Variants in CLBA1 observed in about 807,000 individuals in gnomAD.
CLBA1 encodes the protein clathrin binding box of aftiphilin containing 1.
In CLBA1, 30 loss-of-function variants were observed where a neutral mutation model predicts 28.8. The ratio of observed to expected loss-of-function variants is 1.04; its 90% CI spans 0.78 to 1.41. The LOEUF is 1.41. CLBA1 is among the 40% of genes most tolerant of loss of function. The pLI is 0.00. For missense variants in CLBA1, 451 were observed against 412.3 expected (o/e 1.09, Z -0.81); for synonymous variants, 160 against 152.8 (o/e 1.05, Z -0.35).
At chr14:104,999,353 T>TCTGA, downstream of CLBA1, 1 of 552,120 alleles carries the variant, frequency 1.8e-6, no homozygotes, top group Non-Finnish European at 2.3e-6. Context: ...GGACATGGCC[T>TCTGA]TCAGAGGCTT....
In CLBA1 at chr14:104,994,597, G is replaced by A; in HGVS notation, c.817-1G>A. 2 of 1,605,504 alleles carry A rather than the reference G, an allele frequency of 1.2e-6. No individual in the cohort carries two copies. The highest frequency in any genetic ancestry group is 2.7e-5 in the African/African-American group (2 of 74,710). On this transcript the variant is annotated splice_acceptor_variant, in intron 4 of 4. Transcript: ENST00000547315. LOFTEE classifies it high-confidence loss of function. ...GCCTGACTGCTGTCCTCTCATCTCA[G>A]CTCTCGGGGCCGCCTGGCAGCAAAC... is the stretch of plus-strand genomic sequence containing the variant.
In CLBA1 at chr14:104,992,999, C is replaced by T. The variant is rs1900079031; in HGVS notation, c.751C>T (p.Pro251Ser). The T allele has an allele frequency of 5.0e-6, 8 of 1,614,000 alleles. No homozygotes were observed. Among genetic ancestry groups the T allele is most frequent in the Non-Finnish European group, 5.1e-6 (6 of 1,180,030 alleles). Residue 251 changes from proline to serine, a missense_variant, in exon 4 of 5, where the codon CCT becomes TCT. Physicochemically the swap from Pro to Ser is moderately conservative, Grantham distance 74. Coordinates refer to ENST00000547315, the MANE Select transcript of CLBA1 (RefSeq NM_174891.4). ...HIMEDCDLKEPEGLLTVSSFC... is the reference protein window; with the variant it reads ...HIMEDCDLKESEGLLTVSSFC... ...CATGGAAGATTGTGACCTCAAAGAGCCTGAAGGACTCCTCACTGTCAGCAG... is the reference window on the plus strand; with the variant it reads ...CATGGAAGATTGTGACCTCAAAGAGTCTGAAGGACTCCTCACTGTCAGCAG...
downstream of CLBA1, among the ~76,000 whole-genome samples, chr14:104,997,206 T>C (rs1258213251): frequency 2.0e-5 from 3 of 152,110 alleles, no homozygotes; most frequent in Non-Finnish European, 4.4e-5. Context: ...AGAATGAAGA[T>C]GCTGCAAATG....
chr14:105,000,941 G>A (rs909027157), intron 2 of CLBA1, among the ~76,000 whole-genome samples: 3 of 151,852 alleles, frequency 2.0e-5, no homozygotes, highest in African/African-American at 4.8e-5. Flanking sequence ...AGAGATACCC[G>A]CACCCCCATG....
At chr14:104,996,619 G>A (rs951612654), downstream of CLBA1, among the ~76,000 whole-genome samples, 4 of 152,188 alleles carry the variant, frequency 2.6e-5, no homozygotes, top group East Asian at 5.8e-4. Context: ...AAGACACCCC[G>A]GGCGCAAGGC....
Position 104,993,060 on chromosome 14 carries a change from C to T in CLBA1, c.812C>T (p.Thr271Ile). ...CAGCATTGCAAAGCCCTGATCCAGA[C>T]CAAGGTGAGTGGTCACCAAGGAGAG... ...CLQHCKALIQ[T>I]KLSGPPGSKQ... is the part of the protein sequence containing the mutation. The change falls in exon 4 of 5, where the codon ACC (threonine) becomes ATC (isoleucine). Residue 271 changes from threonine (T) to isoleucine (I), a missense_variant. Coordinates refer to ENST00000547315, the MANE Select transcript of CLBA1 (RefSeq NM_174891.4). The T allele has an allele frequency of 6.2e-7, 1 of 1,613,420 alleles. No individual in the cohort carries two copies.
chr14:104,986,441 C>T lies in CLBA1; in HGVS notation c.10C>T (p.Arg4Trp), dbSNP rs201629778. 27 of 1,612,324 alleles carry T rather than the reference C, an allele frequency of 1.7e-5. No homozygotes were observed. The highest frequency in any genetic ancestry group is 2.2e-5 in the Non-Finnish European group (26 of 1,179,860). MQG[R>W]RELGGEPLSD... Reference sequence around the variant, plus strand: ...GCCTGGGGGCTCCAAGATGCAAGGCCGGCGGGAGCTGGGGGGAGAGCCTTT... The same window carrying T: ...GCCTGGGGGCTCCAAGATGCAAGGCTGGCGGGAGCTGGGGGGAGAGCCTTT... Residue 4 changes from arginine (R) to tryptophan (W), a missense_variant, in exon 1 of 5, where the codon CGG becomes TGG. By Grantham distance (101) the Arg-to-Trp change is moderately radical. Coordinates refer to ENST00000547315, the MANE Select transcript of CLBA1 (RefSeq NM_174891.4).
At chr14:104,989,791 G>A (rs1472902377) in intron 2 of CLBA1, 3 of 434,416 alleles carry the variant, frequency 6.9e-6, no homozygotes, top group African/African-American at 6.0e-5. Context: ...GTGGTCTGCG[G>A]AGTGGGTCTC....
chr14:104,991,244 T>A, intron 2 of CLBA1: 1 of 342,380 alleles, frequency 2.9e-6, no homozygotes, highest in Non-Finnish European at 5.5e-6. Context: ...CAGGCAGATC[T>A]TGAACTCCTG....
intron 4 of CLBA1, 160 bp from the exon 5 acceptor site, chr14:104,994,438 C>T (rs747298209): frequency 1.2e-4 from 120 of 985,466 alleles, no homozygotes; most frequent in Middle Eastern, 1.0e-3. Flanking sequence ...TCCCTGGGCG[C>T]CTCTCTGGTG....
In CLBA1 at chr14:104,988,941, A is replaced by G. The variant is rs984599029; in HGVS notation, c.424-2A>G. 9 of 1,599,730 alleles carry G rather than the reference A, an allele frequency of 5.6e-6. No individual in the cohort carries two copies. The highest frequency in any genetic ancestry group is 7.7e-6 in the Non-Finnish European group (9 of 1,173,830). ...GGTATGCTTTTCTTCTTTTCTTTTCAGCCCATTCTCAGCTATGAGAACATT... is the reference window on the plus strand; with the variant it reads ...GGTATGCTTTTCTTCTTTTCTTTTCGGCCCATTCTCAGCTATGAGAACATT... On this transcript the variant is annotated splice_acceptor_variant, in intron 1 of 4. Transcript: ENST00000547315. LOFTEE classifies it high-confidence loss of function.
At chr14:104,996,907 C>T (rs1025754229), downstream of CLBA1, among the ~76,000 whole-genome samples, 1 of 152,260 alleles carries the variant, frequency 6.6e-6, no homozygotes, top group Non-Finnish European at 1.5e-5. Flanking sequence ...GGCAACCTCA[C>T]AGTGGAAGGC....
intron 1 of CLBA1, 33 bp from the exon 2 acceptor site, chr14:104,988,910 A>G (rs1429063389): frequency 6.4e-7 from 1 of 1,565,804 alleles, no homozygotes; most frequent in Non-Finnish European, 8.7e-7. Context: ...TCTTTCTCCT[A>G]ACTTTGGTAT....
downstream of CLBA1, among the ~76,000 whole-genome samples, chr14:104,998,708 C>T (rs570410651): frequency 5.3e-5 from 8 of 152,362 alleles, no homozygotes; most frequent in East Asian, 1.9e-4. Flanking sequence ...CAGGCTGAGA[C>T]GCAGGCCTTT....
At chr14:105,000,140 G>A (rs189288976), downstream of CLBA1, among the ~76,000 whole-genome samples, 177 of 152,214 alleles carry the variant, frequency 1.2e-3, no homozygotes, top group African/African-American at 2.6e-3. Context: ...CTCGGAAATC[G>A]GAGAAAATAT....
chr14:104,996,416 T>C (rs1900156562), downstream of CLBA1, among the ~76,000 whole-genome samples: 1 of 152,160 alleles, frequency 6.6e-6, no homozygotes, highest in Non-Finnish European at 1.5e-5. Context: ...CTGGCCTCCC[T>C]CAGGTCCACA....
In CLBA1 at chr14:104,994,583, G is replaced by C; in HGVS notation, c.817-15G>C. ...CCCGGGGTGCGCGCGCCTGACTGCT[G>C]TCCTCTCATCTCAGCTCTCGGGGCC... On this transcript the variant is annotated splice_polypyrimidine_tract_variant and intron_variant, in intron 4 of 4. Transcript: ENST00000547315. 1 of 1,598,060 alleles carries C rather than the reference G, an allele frequency of 6.3e-7. No homozygotes were observed. Among genetic ancestry groups the C allele is most frequent in the Non-Finnish European group, 8.5e-7 (1 of 1,176,788 alleles).
At position 104,986,251 on chromosome 14, in the gene CLBA1, C is replaced by T; in HGVS notation, c.-181C>T. On this transcript the variant is annotated 5_prime_UTR_variant, in exon 1 of 5. Coordinates refer to ENST00000547315, the MANE Select transcript of CLBA1 (RefSeq NM_174891.4). Reference sequence around the variant, plus strand: ...GCCATTCCTGTGGTTTGTGTCAGTTCCACAGCAGCACGTGGGCACTTTCCA... The same window carrying T: ...GCCATTCCTGTGGTTTGTGTCAGTTTCACAGCAGCACGTGGGCACTTTCCA... The T allele has an allele frequency of 3.1e-6, 2 of 642,984 alleles. No homozygotes were observed. Among genetic ancestry groups the T allele is most frequent in the Non-Finnish European group, 5.3e-6 (2 of 376,242 alleles). 39.8% of individuals were successfully genotyped at this position (642,984 alleles called of 1,614,324 possible).
chr14:104,991,742 G>C, intron 3 of CLBA1, 122 bp downstream of exon 3: 1 of 1,218,376 alleles, frequency 8.2e-7, no homozygotes, highest in Non-Finnish European at 1.1e-6. Context: ...GTGGGTTAAA[G>C]CCACTAGGTG....
Sources: allele counts gnomAD v4.1 joint callset (sites outside exome capture counted in the v4.1 genomes callset), GRCh38; gene constraint gnomAD v4.1.1; transcripts MANE v1.5; gene names NCBI Gene and HGNC (gene_info 2026-07-23, HGNC 2026-07-21).